Variants in RREB1 observed in about 807,000 individuals in gnomAD.
RREB1 encodes the protein ras-responsive element-binding protein 1.
A neutral mutation model predicts 117.8 loss-of-function variants in RREB1; 27 were observed. The ratio of observed to expected loss-of-function variants is 0.23; its 90% confidence interval spans 0.17 to 0.32. The LOEUF (loss-of-function observed/expected upper bound fraction) is 0.32. Among genes scored for constraint, RREB1 ranks in the 10% least tolerant of loss-of-function variants. RREB1 has a pLI of 1.00. For synonymous variants in RREB1, 1,298 were observed against 1,026.7 expected (o/e 1.26, Z -5.05); for missense variants, 2,577 against 2,378.2 (o/e 1.08, Z -1.74).
rs774715122 is a variant in RREB1 at position 7,240,505 on chromosome 6, C to T, written c.3876C>T (p.His1292=). The change falls in exon 11 of 13, where the codon CAC becomes CAT. Residue 1292 remains histidine (H), a synonymous_variant. Transcript: ENST00000379938. ...CTACCAAATCTAACTGTGAACGCCA[C>T]CAGTTGCGCAAACACGGAGTTACCA... ...FFSTKSNCER[H]QLRKHGVTTC... The T allele has an allele frequency of 3.7e-6, 6 of 1,613,780 alleles. No individual in the cohort carries two copies. In the Admixed American group the frequency reaches 8.3e-5, roughly 22 times the overall value.
At chr6:7,126,284 G>A (rs1009082825) in intron 1 of RREB1, among the ~76,000 whole-genome samples, 10 of 151,866 alleles carry the variant, frequency 6.6e-5, no homozygotes, top group Non-Finnish European at 1.2e-4. Context: ...ACAGGCGTGA[G>A]CCACTGCGCC....
chr6:7,191,189 A>G (rs1765382190), intron 6 of RREB1, among the ~76,000 whole-genome samples: 2 of 152,016 alleles, frequency 1.3e-5, no homozygotes, highest in Non-Finnish European at 2.9e-5. Flanking sequence ...TCATATCTGT[A>G]TTACGTGAAC....
At chr6:7,109,252 C>T (rs1039585061) in intron 1 of RREB1, among the ~76,000 whole-genome samples, 38 of 146,404 alleles carry the variant, frequency 2.6e-4, no homozygotes, top group Non-Finnish European at 4.0e-4. Flanking sequence ...CCTGTTGCTG[C>T]CCCCCCCGCC....
At chr6:7,114,710 C>A (rs1436348000) in intron 1 of RREB1, among the ~76,000 whole-genome samples, 1 of 152,164 alleles carries the variant, frequency 6.6e-6, no homozygotes, top group African/African-American at 2.4e-5. Context: ...CAAGTAAGCT[C>A]TTATTTGCCT....
chr6:7,109,091 C>T (rs934706925), intron 1 of RREB1, among the ~76,000 whole-genome samples: 1 of 151,730 alleles, frequency 6.6e-6, no homozygotes, highest in African/African-American at 2.4e-5. Flanking sequence ...CGAGGCGGGG[C>T]CGGCCGCCGG....
At chr6:7,110,479 G>GGT (rs111267508) in intron 1 of RREB1, among the ~76,000 whole-genome samples, 2,467 of 149,612 alleles carry the variant, frequency 0.016, 60 homozygotes, top group African/African-American at 0.052. Flanking sequence ...TTTTAGGGGT[G>GGT]GTGTGTGTGT....
rs1479031862 is a variant in RREB1 at position 7,141,131 on chromosome 6, C to G, written c.-285+33071C>G. ...CAGGGCTCCACGGCCGCAGGGGCCCCCTCGGGCCGCCCCCAGGGCTCCCGC... is the reference window on the plus strand; with the variant it reads ...CAGGGCTCCACGGCCGCAGGGGCCCGCTCGGGCCGCCCCCAGGGCTCCCGC... On this transcript the variant is annotated intron_variant, in intron 1 of 12. Coordinates refer to ENST00000379938, the MANE Select transcript of RREB1 (RefSeq NM_001003699.4). 3.3e-5 allele frequency among the ~76,000 whole-genome samples: 5 copies of G among 152,300 alleles called. No individual in the cohort carries two copies. The East Asian group carries it at 5.8e-4, about 18-fold the overall frequency.
At chr6:7,128,143 G>C (rs1398888402) in intron 1 of RREB1, among the ~76,000 whole-genome samples, 1 of 152,176 alleles carries the variant, frequency 6.6e-6, no homozygotes, top group African/African-American at 2.4e-5. Context: ...TGGGAGGGTT[G>C]TGCAAAATGG....
At chr6:7,115,106 G>A (rs1581400184) in intron 1 of RREB1, among the ~76,000 whole-genome samples, 4 of 151,270 alleles carry the variant, frequency 2.6e-5, no homozygotes, top group South Asian at 4.2e-4. Flanking sequence ...TTACATAACC[G>A]TCTGCCGTTT....
chr6:7,125,557 C>G (rs773880734), intron 1 of RREB1, among the ~76,000 whole-genome samples: 16 of 152,266 alleles, frequency 1.1e-4, no homozygotes, highest in Admixed American at 5.9e-4. Context: ...TGAAGAGACT[C>G]TAAGCTCTAT....
chr6:7,165,277 A>G (rs1763873887), intron 1 of RREB1, among the ~76,000 whole-genome samples: 1 of 152,214 alleles, frequency 6.6e-6, no homozygotes, highest in South Asian at 2.1e-4. Context: ...AGCAGGAGAT[A>G]AAAGTGTGGA....
intron 10 of RREB1, 63 bp downstream of exon 10, chr6:7,231,970 G>A (rs1362037460): frequency 1.3e-6 from 2 of 1,490,584 alleles, no homozygotes; most frequent in Admixed American, 2.1e-5. Context: ...AGCCACGAGT[G>A]GGGGTCAAAA....
chr6:7,204,816 A>G (rs1278426769), intron 6 of RREB1, among the ~76,000 whole-genome samples: 1 of 152,230 alleles, frequency 6.6e-6, no homozygotes, highest in Non-Finnish European at 1.5e-5. Context: ...TTTAACCTTC[A>G]CATGCAAATT....
chr6:7,230,786 T>C lies in RREB1; in HGVS notation c.2687T>C (p.Phe896Ser), dbSNP rs150579782. 10 of 1,613,684 alleles carry C rather than the reference T, an allele frequency of 6.2e-6. No individual in the cohort carries two copies. Among genetic ancestry groups the C allele is most frequent in the Non-Finnish European group, 8.5e-6 (10 of 1,179,720 alleles). Residue 896 changes from phenylalanine (F) to serine (S), a missense_variant, in exon 10 of 13, where the codon TTC becomes TCC. Transcript: ENST00000379938. ...LEPASSFAVD[F>S]NEPLDFSQKG... ...CCCGCCAGTAGCTTTGCGGTGGACT[T>C]CAATGAGCCCCTGGACTTCTCGCAG...
At position 7,163,624 on chromosome 6, in the gene RREB1, G is replaced by A. The variant is rs1350104921; in HGVS notation, c.-284-13031G>A. On this transcript the variant is annotated intron_variant, in intron 1 of 12. Coordinates refer to ENST00000379938, the MANE Select transcript of RREB1 (RefSeq NM_001003699.4). ...TTAGCCAGGATGGTCTCGATCTCCT[G>A]ACCTCATGATCTGCCCGCCTCGGCC... 3.9e-5 allele frequency among the ~76,000 whole-genome samples: 6 copies of A among 152,228 alleles called. No individual in the cohort carries two copies. The East Asian group carries it at 1.2e-3, about 29-fold the overall frequency.
chr6:7,202,804 G>A (rs180720696), intron 6 of RREB1, among the ~76,000 whole-genome samples: 41 of 152,250 alleles, frequency 2.7e-4, no homozygotes, highest in South Asian at 6.2e-4. Flanking sequence ...TGATGTCTCT[G>A]GACTCACCCA....
chr6:7,174,487 A>T (rs546944965), intron 1 of RREB1, among the ~76,000 whole-genome samples: 20 of 152,284 alleles, frequency 1.3e-4, no homozygotes, highest in African/African-American at 4.8e-4. Context: ...TTTAAAATGA[A>T]GGGAAATAAA....
chr6:7,240,412 AAT>A, intron 10 of RREB1, 24 bp from the exon 11 acceptor site: 1 of 1,591,350 alleles, frequency 6.3e-7, no homozygotes, highest in Non-Finnish European at 8.6e-7. Flanking sequence ...AAGCCAGATA[AAT>A]ATATATTTTT....
chr6:7,236,377 C>G (rs920772182), intron 10 of RREB1, among the ~76,000 whole-genome samples: 1 of 152,190 alleles, frequency 6.6e-6, no homozygotes, highest in South Asian at 2.1e-4. Flanking sequence ...CACACCCTTT[C>G]CTCCCTGCTT....
Sources: allele counts gnomAD v4.1 joint callset (sites outside exome capture counted in the v4.1 genomes callset), GRCh38; gene constraint gnomAD v4.1.1; transcripts MANE v1.5; gene names NCBI Gene and HGNC (gene_info 2026-07-23, HGNC 2026-07-21).